The following EVPLL variants were observed in gnomAD, a reference collection of about 807,000 sequenced individuals.
The protein encoded by EVPLL is envoplakin like.
A neutral mutation model predicts 46.2 loss-of-function variants in EVPLL; 39 were observed. The ratio of observed to expected loss-of-function variants is 0.84; its 90% CI spans 0.65 to 1.10. The LOEUF (loss-of-function observed/expected upper bound fraction) is 1.10, where lower values mean the gene tolerates loss of function less well. Among genes scored for constraint, EVPLL ranks in the 50% least tolerant of loss-of-function variants. The pLI is 0.00. For missense variants in EVPLL, 385 were observed against 412.6 expected (o/e 0.93, Z 0.58); for synonymous variants, 156 against 165.8 (o/e 0.94, Z 0.46).
At chr17:18,378,013 G>A (rs2087921043) in intron 1 of EVPLL, 30 bp downstream of exon 1, 5 of 686,312 alleles carry the variant, frequency 7.3e-6, no homozygotes, top group Non-Finnish European at 1.1e-5. Context: ...GGGGAGCCAG[G>A]GAGCTAGGGT....
At position 18,383,605 on chromosome 17, in the gene EVPLL, G is replaced by C. The variant is rs879102817; in HGVS notation, c.876+18G>C. 1 of 809,158 alleles carries C rather than the reference G, an allele frequency of 1.2e-6. No homozygotes were observed. Among genetic ancestry groups the C allele is most frequent in the Admixed American group, 3.3e-5 (1 of 30,726 alleles). 50.1% of individuals were successfully genotyped at this position (809,158 alleles called of 1,614,324 possible). Reference sequence around the variant, plus strand: ...ACAGCCGGGTGAGCCCTCGGGCAGCGGCAGGGCGGCAGGGCGGCAGGGCGG... The same window carrying C: ...ACAGCCGGGTGAGCCCTCGGGCAGCCGCAGGGCGGCAGGGCGGCAGGGCGG... On this transcript the variant is annotated intron_variant, in intron 9 of 10. Coordinates refer to ENST00000399134, the MANE Select transcript of EVPLL (RefSeq NM_001145127.2).
chr17:18,386,022 T>C lies in EVPLL; in HGVS notation c.877-2197T>C, dbSNP rs191081697. 1.1e-3 allele frequency among the ~76,000 whole-genome samples: 163 copies of C among 152,274 alleles called. 2 individuals are homozygous for C. Among genetic ancestry groups the C allele is most frequent in the Admixed American group, 1.8e-3 (28 of 15,298 alleles). ...CTGTGGGCTACCAGGCTGCATTGGT[T>C]TGCTAGGGCTTCCTTAAAGTACCAC... is the stretch of plus-strand genomic sequence containing the variant. On this transcript the variant is annotated intron_variant, in intron 9 of 10. Transcript: ENST00000399134.
intron 9 of EVPLL, among the ~76,000 whole-genome samples, chr17:18,387,611 C>T (rs1388881013): frequency 1.3e-5 from 2 of 151,318 alleles, no homozygotes; most frequent in Non-Finnish European, 1.5e-5. Flanking sequence ...CTCCAATAAA[C>T]CTTTATTCAC....
At chr17:18,383,662 G>A (rs372261743) in intron 9 of EVPLL, 75 bp downstream of exon 9, 29 of 1,308,658 alleles carry the variant, frequency 2.2e-5, no homozygotes, top group Non-Finnish European at 3.1e-5. Flanking sequence ...CCACAGGAGA[G>A]GCACTGCACC....
rs1316982601 is a variant in EVPLL, at chr17:18,388,237, T to G, written c.895T>G (p.Ser299Ala). Residue 299 changes from serine to alanine, a missense_variant, in exon 10 of 11, where the codon TCT becomes GCT. Transcript: ENST00000399134. ...TCCACAGATTCTGTGTCCATCTTCC[T>G]CTCCTCATTGACTCTGCATGAAGGG... Reference protein sequence around the residue: ...DYSRILCPSSSPH With the variant: ...DYSRILCPSSAPH 2 of 1,476,510 alleles carry G rather than the reference T, an allele frequency of 1.4e-6. No individual in the cohort carries two copies. Among genetic ancestry groups the G allele is most frequent in the Non-Finnish European group, 1.9e-6 (2 of 1,080,262 alleles). 91.5% of individuals were successfully genotyped at this position (1,476,510 alleles called of 1,614,324 possible).
intron 9 of EVPLL, among the ~76,000 whole-genome samples, chr17:18,383,948 G>A (rs1205216615): frequency 6.6e-6 from 1 of 152,094 alleles, no homozygotes; most frequent in Non-Finnish European, 1.5e-5. Context: ...ATTCTAGCCT[G>A]GGTGACAAAG....
chr17:18,388,135 A>T, intron 9 of EVPLL, 84 bp from the exon 10 acceptor site: 1 of 779,092 alleles, frequency 1.3e-6, no homozygotes, highest in Non-Finnish European at 2.1e-6. Flanking sequence ...CAACCCTCAA[A>T]TAATACCCAT....
Position 18,382,853 on chromosome 17 carries a change from C to T in EVPLL, c.500C>T (p.Pro167Leu), listed in dbSNP as rs778810499. The change falls in exon 6 of 11, where the codon CCG becomes CTG. Residue 167 changes from proline (P) to leucine (L), a missense_variant. Transcript: ENST00000399134. Reference sequence around the variant, plus strand: ...TGCCGCCACCATCCGGAGCCAATACCGAGACCTACTGGTGAGCAGGAGGGA... The same window carrying T: ...TGCCGCCACCATCCGGAGCCAATACTGAGACCTACTGGTGAGCAGGAGGGA... ...AGCRHHPEPIPRPTEGGVVAR... is the reference protein window; with the variant it reads ...AGCRHHPEPILRPTEGGVVAR... 6.2e-7 allele frequency: 1 copy of T among 1,613,430 alleles called. No homozygotes were observed.
rs985318241 is a variant in EVPLL at position 18,383,280 on chromosome 17, C to A, written c.682C>A (p.Gln228Lys). The change falls in exon 8 of 11, where the codon CAG becomes AAG. Residue 228 changes from glutamine (Q) to lysine (K), a missense_variant. Transcript: ENST00000399134. ...GVRREYEHFKQHELLSQEQSV... is the reference protein window; with the variant it reads ...GVRREYEHFKKHELLSQEQSV... ...CCCGACTCGCCCCCAGCACTTCAAG[C>A]AGCACGAGCTGCTGAGCCAGGAGCA... is the stretch of plus-strand genomic sequence containing the variant. 2.5e-6 allele frequency: 4 copies of A among 1,589,974 alleles called. No homozygotes were observed. Among genetic ancestry groups the A allele is most frequent in the Non-Finnish European group, 3.4e-6 (4 of 1,170,186 alleles).
At chr17:18,382,103 G>A in intron 4 of EVPLL, 1 of 371,294 alleles carries the variant, frequency 2.7e-6, no homozygotes, top group Non-Finnish European at 5.1e-6. Flanking sequence ...GTTGTGCTTT[G>A]ATGCCACACA....
chr17:18,380,594 A>AGCTGG (rs2151626961), intron 1 of EVPLL: 1 of 250,312 alleles, frequency 4.0e-6, no homozygotes, highest in Non-Finnish European at 7.8e-6. Flanking sequence ...AGTGGCAGGC[A>AGCTGG]GCTGGGTGGG....
intron 9 of EVPLL, chr17:18,387,941 G>A (rs2151633136): frequency 8.2e-6 from 1 of 122,036 alleles, no homozygotes; most frequent in East Asian, 1.8e-4. Flanking sequence ...TTGAGCCTGG[G>A]AAGTCAAGGC....
chr17:18,377,936 C>T lies in EVPLL; in HGVS notation c.-84C>T. ...CCCAGGGGAAGGGGTCCCCCAAGGA[C>T]TCCCCAGCCAAGGGGTCCCCCAAAG... On this transcript the variant is annotated 5_prime_UTR_variant, in exon 1 of 11. Transcript: ENST00000399134. The T allele has an allele frequency of 9.0e-7, 1 of 1,107,792 alleles. No homozygotes were observed. The highest frequency in any genetic ancestry group is 1.2e-6 in the Non-Finnish European group (1 of 802,814). The allele number at this position is 1,107,792 out of a possible 1,614,324, so 68.6% of individuals were successfully genotyped here. A position where few individuals can be genotyped will look rare whatever the true frequency, so the allele number is the denominator to read the frequency against.
intron 9 of EVPLL, among the ~76,000 whole-genome samples, chr17:18,386,769 A>G (rs931935473): frequency 6.6e-6 from 1 of 152,096 alleles, no homozygotes; most frequent in Admixed American, 6.6e-5. Flanking sequence ...GCTTGAACCC[A>G]AGGGGCTCTA....
chr17:18,384,855 G>A (rs1389643520), intron 9 of EVPLL, among the ~76,000 whole-genome samples: 1 of 152,206 alleles, frequency 6.6e-6, no homozygotes, highest in African/African-American at 2.4e-5. Context: ...GGATGGATTG[G>A]GTGGTGCTCC....
chr17:18,381,424 A>G lies in EVPLL; in HGVS notation c.121A>G (p.Ser41Gly). 6.2e-7 allele frequency: 1 copy of G among 1,609,624 alleles called. No homozygotes were observed. The highest frequency in any genetic ancestry group is 8.5e-7 in the Non-Finnish European group (1 of 1,178,322). ...ALQHQQETGSSLKEAEVLLKD... is the reference protein window; with the variant it reads ...ALQHQQETGSGLKEAEVLLKD... ...GCAGCACCAGCAGGAGACGGGCAGC[A>G]GCCTGAAGGAGGCCGAGGTGCTGCT... The change falls in exon 3 of 11, where the codon AGC becomes GGC. Residue 41 changes from serine to glycine, a missense_variant. Coordinates refer to ENST00000399134, the MANE Select transcript of EVPLL (RefSeq NM_001145127.2). The surrounding 1 kb of genome is among the most constrained non-coding windows in gnomAD (Gnocchi z 4.2).
rs1987575956 is a variant in EVPLL, at chr17:18,381,579, A to T, written c.219-24A>T. 1 of 1,613,920 alleles carries T rather than the reference A, an allele frequency of 6.2e-7. No homozygotes were observed. Among genetic ancestry groups the T allele is most frequent in the Non-Finnish European group, 8.5e-7 (1 of 1,179,958 alleles). ...TGGGGAAGACCCAGGCCCAGCCCTG[A>T]CCTGCTGGCCACCTTCTTGACAGCA... On this transcript the variant is annotated intron_variant, in intron 3 of 10. Coordinates refer to ENST00000399134, the MANE Select transcript of EVPLL (RefSeq NM_001145127.2). This position sits in a 1 kb window ranked among gnomAD's most constrained non-coding sequence, Gnocchi z 4.2.
intron 1 of EVPLL, among the ~76,000 whole-genome samples, chr17:18,378,613 C>A (rs1987459330): frequency 6.6e-6 from 1 of 152,054 alleles, no homozygotes; most frequent in African/African-American, 2.4e-5. Context: ...GAGTTTGAGA[C>A]CAGCCTGGGC....
Position 18,381,832 on chromosome 17 carries a change from T to G in EVPLL, c.346+102T>G. On this transcript the variant is annotated intron_variant, in intron 4 of 10. Coordinates refer to ENST00000399134, the MANE Select transcript of EVPLL (RefSeq NM_001145127.2). This position sits in a 1 kb window ranked among gnomAD's most constrained non-coding sequence, Gnocchi z 4.2. The stretch of plus-strand genomic sequence containing the variant: ...GGCTTGAACAGTCAGTGTATAGTGG[T>G]GTCTCAGGGGTCTGGGCAGGGAGAC... 6 of 1,564,314 alleles carry G rather than the reference T, an allele frequency of 3.8e-6. No individual in the cohort carries two copies. The highest frequency in any genetic ancestry group is 5.2e-6 in the Non-Finnish European group (6 of 1,149,074).
Sources: gnomAD v4.1 joint callset for allele counts (sites outside exome capture counted in the v4.1 genomes callset) on GRCh38, gnomAD v4.1.1 for gene constraint, Gnocchi (gnomAD v3.1) non-coding constraint, MANE v1.5 for transcripts, NCBI Gene and HGNC (gene_info 2026-07-23, HGNC 2026-07-21) for gene names.